TRIP12: variants seen among roughly 807,000 people sequenced by gnomAD.
TRIP12 encodes thyroid hormone receptor interactor 12.
TRIP12 carries 25 observed loss-of-function variants against 244.2 expected under a neutral mutation model. The observed-to-expected ratio is 0.10, with a 90% CI of 0.07 to 0.14. The LOEUF (loss-of-function observed/expected upper bound fraction) is 0.14. Ranked by LOEUF, TRIP12 falls within the 10% of genes least tolerant of loss-of-function variation. The pLI is 1.00. For synonymous variants in TRIP12, 905 were observed against 873.1 expected (o/e 1.04, Z -0.64); for missense variants, 1,677 against 2,486.4 (o/e 0.67, Z 6.92).
intron 2 of TRIP12, among the ~76,000 whole-genome samples, chr2:229,868,120 T>C (rs969883624): frequency 3.3e-5 from 5 of 152,232 alleles, no homozygotes. Context: ...AACTCCAGGC[T>C]GCCTAATTAG....
At chr2:229,874,438 C>G (rs2063237403) in intron 2 of TRIP12, among the ~76,000 whole-genome samples, 1 of 152,088 alleles carries the variant, frequency 6.6e-6, no homozygotes, top group South Asian at 2.1e-4. Context: ...CTTGATAAAA[C>G]CAGCTCACAT....
intron 1 of TRIP12, among the ~76,000 whole-genome samples, chr2:229,893,735 G>T (rs2067989510): frequency 6.6e-6 from 1 of 152,154 alleles, no homozygotes; most frequent in East Asian, 1.9e-4. Context: ...TAAGTTTAAA[G>T]CTGCTAGATT....
At chr2:229,909,813 C>T (rs2073917850) in intron 1 of TRIP12, among the ~76,000 whole-genome samples, 1 of 152,084 alleles carries the variant, frequency 6.6e-6, no homozygotes, top group African/African-American at 2.4e-5. Flanking sequence ...ATGATTGTAC[C>T]ACTATGCTCC....
In TRIP12 at chr2:229,818,557, T is replaced by C. The variant is rs369767768; in HGVS notation, c.1451-45A>G. The C allele has an allele frequency of 9.1e-5, 141 of 1,555,652 alleles. 1 individual carries two copies. The Admixed American group carries it at 1.1e-3, about 12-fold the overall frequency. On this transcript the variant is annotated intron_variant, in intron 8 of 41. Coordinates refer to ENST00000675903, the MANE Select transcript of TRIP12 (RefSeq NM_001348323.3). The stretch of plus-strand genomic sequence containing the variant: ...TATTATCTTTAAACATTTAAGAAAA[T>C]TATTACTAGGTATAAGGTGTGACTC...
intron 27 of TRIP12, 134 bp from the exon 28 acceptor site, chr2:229,792,360 G>A: frequency 1.2e-6 from 1 of 864,788 alleles, no homozygotes; most frequent in Non-Finnish European, 1.8e-6. Flanking sequence ...AAATGCTTGA[G>A]CCCAGAAGTG....
Position 229,789,716 on chromosome 2 carries a change from A to T in TRIP12, c.4590T>A (p.Ile1530=), listed in dbSNP as rs188045226. 1 of 1,614,074 alleles carries T rather than the reference A, an allele frequency of 6.2e-7. No individual in the cohort carries two copies. Among genetic ancestry groups the T allele is most frequent in the East Asian group, 2.2e-5 (1 of 44,862 alleles). The change falls in exon 31 of 42, where the codon ATT becomes ATA. Residue 1530 remains isoleucine, a synonymous_variant. Transcript: ENST00000675903. ...SVSNPLEVYL[I]PTPPENITFE... is the part of the protein sequence containing the mutation. The stretch of plus-strand genomic sequence containing the variant: ...ATGTTATATTTTCAGGTGGTGTGGG[A>T]ATGAGGTAAACTTCTAAAGGATTTG...
At chr2:229,811,459 A>G (rs549874882) in intron 13 of TRIP12, among the ~76,000 whole-genome samples, 3 of 152,150 alleles carry the variant, frequency 2.0e-5, no homozygotes, top group African/African-American at 7.2e-5. Context: ...CAGAAAAGGA[A>G]GAACTATTAT....
At chr2:229,910,623 T>C (rs1385649963) in intron 1 of TRIP12, among the ~76,000 whole-genome samples, 1 of 152,004 alleles carries the variant, frequency 6.6e-6, no homozygotes, top group Non-Finnish European at 1.5e-5. Flanking sequence ...CATGGCCTAA[T>C]ATACAGGCAG....
chr2:229,813,433 C>G (rs2047743618), intron 13 of TRIP12, among the ~76,000 whole-genome samples: 1 of 152,046 alleles, frequency 6.6e-6, no homozygotes, highest in Admixed American at 6.6e-5. Context: ...TAAAAAATAT[C>G]AGAACATTTT....
At chr2:229,799,252 T>A in intron 22 of TRIP12, 31 bp downstream of exon 22, 1 of 1,608,914 alleles carries the variant, frequency 6.2e-7, no homozygotes, top group Non-Finnish European at 8.5e-7. Flanking sequence ...CCCTCCCCTT[T>A]ACCTCCCCAT....
In TRIP12 at chr2:229,850,869, C is replaced by T. The variant is rs553002157; in HGVS notation, c.1027+7903G>A. ...AGGGGCTCAGCACCCGGGCCAGCGG[C>T]TGCGGAGAGTGTACTGGGTCCCCCA... On this transcript the variant is annotated intron_variant, in intron 4 of 41. Transcript: ENST00000675903. 5.2e-4 allele frequency among the ~76,000 whole-genome samples: 79 copies of T among 152,362 alleles called. 1 individual carries two copies. In the East Asian group the frequency reaches 0.013, roughly 24 times the overall value.
chr2:229,775,141 G>C (rs974200152), intron 37 of TRIP12, among the ~76,000 whole-genome samples: 3 of 152,134 alleles, frequency 2.0e-5, no homozygotes, highest in African/African-American at 7.2e-5. Context: ...GAAACAGTTA[G>C]AATGTTCTGA....
intron 5 of TRIP12, among the ~76,000 whole-genome samples, chr2:229,839,269 G>A (rs1165994946): frequency 6.6e-6 from 1 of 152,198 alleles, no homozygotes; most frequent in African/African-American, 2.4e-5. Flanking sequence ...GCTACCACAC[G>A]GCCTAGATGT....
intron 30 of TRIP12, 94 bp downstream of exon 30, chr2:229,791,030 T>C (rs2041394909): frequency 6.7e-7 from 1 of 1,498,500 alleles, no homozygotes; most frequent in African/African-American, 1.4e-5. Context: ...TATTCAAAAA[T>C]TTTACTACTA....
intron 16 of TRIP12, 95 bp from the exon 17 acceptor site, chr2:229,807,959 T>A: frequency 7.3e-7 from 1 of 1,365,970 alleles, no homozygotes; most frequent in Non-Finnish European, 9.8e-7. Context: ...AACCAAAAGT[T>A]GTATTTAGAC....
intron 1 of TRIP12, among the ~76,000 whole-genome samples, chr2:229,907,402 A>T (rs1450338878): frequency 6.6e-6 from 1 of 152,228 alleles, no homozygotes; most frequent in Admixed American, 6.5e-5. Flanking sequence ...ACTCGCAATG[A>T]TCTCATTTCA....
chr2:229,872,131 A>G (rs1046887845), intron 2 of TRIP12, among the ~76,000 whole-genome samples: 1 of 148,822 alleles, frequency 6.7e-6, no homozygotes, highest in African/African-American at 2.5e-5. Context: ...AAAAAAAAAA[A>G]AGAAGCCTAT....
chr2:229,859,638 T>C, intron 3 of TRIP12, 64 bp from the exon 4 acceptor site: 1 of 1,498,736 alleles, frequency 6.7e-7, no homozygotes. Flanking sequence ...TCATATATAA[T>C]GCTTTCAAAA....
At chr2:229,863,232 A>T (rs1274345887) in intron 2 of TRIP12, among the ~76,000 whole-genome samples, 1 of 151,980 alleles carries the variant, frequency 6.6e-6, no homozygotes, top group Non-Finnish European at 1.5e-5. Flanking sequence ...CCATCTCGAA[A>T]AAAAAAAAAG....
Sources: gnomAD v4.1 joint callset for allele counts (sites outside exome capture counted in the v4.1 genomes callset) on GRCh38, gnomAD v4.1.1 for gene constraint, MANE v1.5 for transcripts, NCBI Gene and HGNC (gene_info 2026-07-23, HGNC 2026-07-21) for gene names.